Variants in SNTB2 observed in about 807,000 individuals in gnomAD.
The protein encoded by SNTB2 is syntrophin beta 2.
SNTB2 carries 34 observed loss-of-function variants against 46.2 expected under a neutral mutation model. That is an observed-to-expected ratio of 0.74 (90% CI 0.56 to 0.98). The LOEUF (loss-of-function observed/expected upper bound fraction) is 0.98. Ranked by LOEUF, SNTB2 falls within the 50% of genes least tolerant of loss-of-function variation. The pLI is 0.00. For synonymous variants in SNTB2, 290 were observed against 312.6 expected (o/e 0.93, Z 0.76); for missense variants, 603 against 731.4 (o/e 0.82, Z 2.02).
chr16:69,242,073 T>G (rs1217254429), intron 1 of SNTB2: 1 of 152,084 alleles, frequency 6.6e-6, no homozygotes, highest in African/African-American at 2.4e-5. Context: ...TTGGATCCTA[T>G]CCAGTGCATT....
intron 1 of SNTB2, among the ~76,000 whole-genome samples, chr16:69,217,311 A>G (rs960568759): frequency 2.6e-5 from 4 of 152,000 alleles, no homozygotes; most frequent in African/African-American, 9.7e-5. Context: ...CTGTCTCTAC[A>G]AAAAATACAA....
chr16:69,294,084 G>A (rs779272630), intron 5 of SNTB2, among the ~76,000 whole-genome samples: 1 of 152,152 alleles, frequency 6.6e-6, no homozygotes, highest in Non-Finnish European at 1.5e-5. Flanking sequence ...CTGGAGAGCA[G>A]TGTCACGAAC....
chr16:69,278,889 AGTGTGTGTGTGTGTGTGTGTGT>A (rs71148981), intron 4 of SNTB2, among the ~76,000 whole-genome samples: 1 of 140,912 alleles, frequency 7.1e-6, no homozygotes, highest in Admixed American at 7.2e-5. Context: ...AGGTGGGAAG[AGTGTGTGTGTGTGTGTGTGTGT>A]GTGTGTGTGT....
chr16:69,224,535 A>T lies in SNTB2; in HGVS notation c.581-21067A>T, dbSNP rs75575484. Among the ~76,000 whole-genome samples, 1,099 of 152,318 alleles carry T rather than the reference A, an allele frequency of 7.2e-3. 8 individuals are homozygous for T. The highest frequency in any genetic ancestry group is 0.023 in the African/African-American group (949 of 41,578). On this transcript the variant is annotated intron_variant, in intron 1 of 6. Coordinates refer to ENST00000336278, the MANE Select transcript of SNTB2 (RefSeq NM_006750.4). ...GTAATTAATAAGTATCTTGGAAAAT[A>T]TGGTGAGATTATGCAAACACACAGT...
At chr16:69,290,811 A>G (rs1965153234) in intron 5 of SNTB2, among the ~76,000 whole-genome samples, 1 of 152,178 alleles carries the variant, frequency 6.6e-6, no homozygotes, top group African/African-American at 2.4e-5. Context: ...TTTTCAAGAT[A>G]TGGGAACTGG....
chr16:69,299,897 TAA>T, intron 6 of SNTB2, 123 bp downstream of exon 6: 1 of 1,113,852 alleles, frequency 9.0e-7, no homozygotes, highest in Non-Finnish European at 1.2e-6. Context: ...AATTTTAAAT[TAA>T]AAAAAATTTT....
At chr16:69,288,144 C>A (rs1270248725) in intron 5 of SNTB2, among the ~76,000 whole-genome samples, 1 of 152,184 alleles carries the variant, frequency 6.6e-6, no homozygotes, top group African/African-American at 2.4e-5. Context: ...CCAACACATT[C>A]ATGCCGTTGC....
In SNTB2 at chr16:69,302,696, TGCA is replaced by T. The variant is rs1365883546; in HGVS notation, c.*1774_*1776del. ...CCTCATTACAGTGAAACCAACAATA[TGCA>T]GAGGTTGGGGAGAGATGCCTGTTCT... On this transcript the variant is annotated 3_prime_UTR_variant, in exon 7 of 7. Transcript: ENST00000336278. 6.6e-6 allele frequency: 1 copy of T among 152,216 alleles called. No individual in the cohort carries two copies. Among genetic ancestry groups the T allele is most frequent in the Non-Finnish European group, 1.5e-5 (1 of 68,046 alleles). The allele number at this position is 152,216 out of a possible 1,614,324, so 9.4% of individuals were successfully genotyped here.
At chr16:69,230,619 C>T (rs1964497691) in intron 1 of SNTB2, among the ~76,000 whole-genome samples, 1 of 152,062 alleles carries the variant, frequency 6.6e-6, no homozygotes, top group Non-Finnish European at 1.5e-5. Context: ...CCTCAGCCTC[C>T]CAAAGTGCTG....
intron 1 of SNTB2, among the ~76,000 whole-genome samples, chr16:69,192,855 A>G (rs1964068243): frequency 6.6e-6 from 1 of 152,204 alleles, no homozygotes; most frequent in African/African-American, 2.4e-5. Flanking sequence ...GAAATATAAA[A>G]TTCAAACTTG....
rs540716605 is a variant in SNTB2 at position 69,237,254 on chromosome 16, G to A, written c.581-8348G>A. Reference sequence around the variant, plus strand: ...TTATAGGGATAGGAGGAGAAAAAAGGCACTTAAAAAATAAATGGCCAGAAA... The same window carrying A: ...TTATAGGGATAGGAGGAGAAAAAAGACACTTAAAAAATAAATGGCCAGAAA... On this transcript the variant is annotated intron_variant, in intron 1 of 6. Transcript: ENST00000336278. Among the ~76,000 whole-genome samples, 4 of 152,194 alleles carry A rather than the reference G, an allele frequency of 2.6e-5. No homozygotes were observed. The East Asian group carries it at 5.8e-4, about 22-fold the overall frequency.
chr16:69,246,795 T>C lies in SNTB2; in HGVS notation c.794+980T>C, dbSNP rs980976630. Among the ~76,000 whole-genome samples the C allele has an allele frequency of 8.2e-5, 12 of 146,844 alleles. No individual in the cohort carries two copies. In the East Asian group the frequency reaches 1.4e-3, roughly 17 times the overall value. Reference sequence around the variant, plus strand: ...TCTTCCTGGTTTAGTCTTGGGAGAGTGTATGTGTCGAGGAATTTATCCATT... The same window carrying C: ...TCTTCCTGGTTTAGTCTTGGGAGAGCGTATGTGTCGAGGAATTTATCCATT... On this transcript the variant is annotated intron_variant, in intron 2 of 6. Transcript: ENST00000336278.
chr16:69,299,035 C>CA (rs1555501507), intron 5 of SNTB2, among the ~76,000 whole-genome samples: 4 of 152,178 alleles, frequency 2.6e-5, no homozygotes, highest in Non-Finnish European at 5.9e-5. Context: ...AGCCTACACA[C>CA]ACTTGCCAGT....
intron 3 of SNTB2, among the ~76,000 whole-genome samples, chr16:69,267,379 A>C (rs1294005565): frequency 6.6e-6 from 1 of 152,212 alleles, no homozygotes; most frequent in Non-Finnish European, 1.5e-5. Context: ...TAACCTATTG[A>C]AATATTGTCT....
chr16:69,279,856 A>T lies in SNTB2; in HGVS notation c.1149-4192A>T, dbSNP rs539878146. On this transcript the variant is annotated intron_variant, in intron 4 of 6. Coordinates refer to ENST00000336278, the MANE Select transcript of SNTB2 (RefSeq NM_006750.4). ...CTTTGCCCATTTTTTTTAATTAATTAATTAATTAATTAATTTATTTATTTA... is the reference window on the plus strand; with the variant it reads ...CTTTGCCCATTTTTTTTAATTAATTTATTAATTAATTAATTTATTTATTTA... Among the ~76,000 whole-genome samples, 38 of 140,708 alleles carry T rather than the reference A, an allele frequency of 2.7e-4. No individual in the cohort carries two copies. The South Asian group carries it at 4.2e-3, about 16-fold the overall frequency. 92.3% of individuals were successfully genotyped at this position (140,708 alleles called of 152,430 possible).
chr16:69,197,765 A>G lies in SNTB2; in HGVS notation c.580+10019A>G, dbSNP rs559584638. Among the ~76,000 whole-genome samples the G allele has an allele frequency of 3.3e-5, 5 of 152,296 alleles. No individual in the cohort carries two copies. In the South Asian group the frequency reaches 1.0e-3, roughly 32 times the overall value. On this transcript the variant is annotated intron_variant, in intron 1 of 6. Coordinates refer to ENST00000336278, the MANE Select transcript of SNTB2 (RefSeq NM_006750.4). Reference sequence around the variant, plus strand: ...CTTTGATTTGCCTCATTTTGCTGTAATTGTTGGCCAGTAAAAGTATTTACA... The same window carrying G: ...CTTTGATTTGCCTCATTTTGCTGTAGTTGTTGGCCAGTAAAAGTATTTACA...
At chr16:69,284,637 G>A (rs746672695) in intron 5 of SNTB2, among the ~76,000 whole-genome samples, 9 of 152,058 alleles carry the variant, frequency 5.9e-5, no homozygotes, top group Non-Finnish European at 1.2e-4. Context: ...AGCCAGGCGT[G>A]GCAGCATGTG....
At chr16:69,228,591 T>C (rs970566394) in intron 1 of SNTB2, among the ~76,000 whole-genome samples, 3 of 152,074 alleles carry the variant, frequency 2.0e-5, no homozygotes, top group Non-Finnish European at 4.4e-5. Context: ...TCACAACGTT[T>C]GTAATTGGCA....
At chr16:69,293,862 C>G (rs964398877) in intron 5 of SNTB2, among the ~76,000 whole-genome samples, 1 of 152,114 alleles carries the variant, frequency 6.6e-6, no homozygotes, top group Non-Finnish European at 1.5e-5. Context: ...GAAGAAATAA[C>G]GGAGGGAGAT....
Sources: gnomAD v4.1 joint callset for allele counts (sites outside exome capture counted in the v4.1 genomes callset) on GRCh38, gnomAD v4.1.1 for gene constraint, MANE v1.5 for transcripts, NCBI Gene and HGNC (gene_info 2026-07-23, HGNC 2026-07-21) for gene names.